SAMD4A: variants seen among roughly 807,000 people sequenced by gnomAD.
SAMD4A encodes the protein protein Smaug homolog 1.
In SAMD4A, 33 loss-of-function variants were observed where a neutral mutation model predicts 81.3. The ratio of observed to expected loss-of-function variants is 0.41; its 90% confidence interval spans 0.31 to 0.54. The LOEUF (loss-of-function observed/expected upper bound fraction) is 0.54. SAMD4A is among the 20% of genes least tolerant of loss of function. The pLI, the probability that SAMD4A is intolerant of heterozygous loss-of-function variation, is 0.37. For synonymous variants in SAMD4A, 389 were observed against 382.1 expected, an observed-to-expected ratio of 1.02 and a Z score of -0.21; for missense variants, 854 against 951.1, an observed-to-expected ratio of 0.90 and a Z score of 1.34.
chr14:54,590,646 C>T (rs2033749824), intron 2 of SAMD4A, among the ~76,000 whole-genome samples: 1 of 152,170 alleles, frequency 6.6e-6, no homozygotes, highest in Non-Finnish European at 1.5e-5. Flanking sequence ...GGTAGTCTCT[C>T]TGTCAGCTGT....
chr14:54,757,970 G>A (rs2038289523), intron 6 of SAMD4A, among the ~76,000 whole-genome samples: 1 of 152,242 alleles, frequency 6.6e-6, no homozygotes, highest in Non-Finnish European at 1.5e-5. Flanking sequence ...CCAATCACAT[G>A]ATGGTGTCTA....
chr14:54,577,509 TA>T (rs1346628311), intron 2 of SAMD4A, among the ~76,000 whole-genome samples: 3 of 152,232 alleles, frequency 2.0e-5, no homozygotes, highest in African/African-American at 7.2e-5. Flanking sequence ...GTGTAGCCCC[TA>T]CATTGGCATC....
At chr14:54,570,933 A>G (rs1440859423) in intron 2 of SAMD4A, among the ~76,000 whole-genome samples, 1 of 152,180 alleles carries the variant, frequency 6.6e-6, no homozygotes, top group Non-Finnish European at 1.5e-5. Flanking sequence ...TTTTGTAATC[A>G]TCAATTTAAA....
chr14:54,586,229 C>A (rs979423691), intron 2 of SAMD4A, among the ~76,000 whole-genome samples: 1 of 152,060 alleles, frequency 6.6e-6, no homozygotes, highest in Non-Finnish European at 1.5e-5. Context: ...ATTTGTATAT[C>A]TTCTTTTGAG....
intron 2 of SAMD4A, among the ~76,000 whole-genome samples, chr14:54,657,419 A>G (rs1432207095): frequency 6.6e-6 from 1 of 152,194 alleles, no homozygotes; most frequent in African/African-American, 2.4e-5. Context: ...CACTCCAGCT[A>G]GAATTAACGA....
intron 2 of SAMD4A, among the ~76,000 whole-genome samples, chr14:54,608,078 G>A (rs2034261982): frequency 6.6e-6 from 1 of 151,640 alleles, no homozygotes; most frequent in African/African-American, 2.4e-5. Context: ...AGGACCCTCA[G>A]CCACTAGTGT....
Position 54,656,437 on chromosome 14 carries a change from C to G in SAMD4A, c.197-45625C>G, listed in dbSNP as rs568859211. On this transcript the variant is annotated intron_variant, in intron 2 of 12. Coordinates refer to ENST00000554335, the MANE Select transcript of SAMD4A (RefSeq NM_015589.6). ...CTTTCTAGGTCACCACCTTTTTTGG[C>G]CTTTACCCCTTGAGTTTGAACTTTG... Among the ~76,000 whole-genome samples the G allele has an allele frequency of 8.5e-4, 130 of 152,176 alleles. 1 individual carries two copies. Among genetic ancestry groups the G allele is most frequent in the African/African-American group, 3.1e-3 (128 of 41,534 alleles).
At chr14:54,749,396 C>A (rs2038043849) in intron 5 of SAMD4A, among the ~76,000 whole-genome samples, 1 of 152,212 alleles carries the variant, frequency 6.6e-6, no homozygotes, top group Non-Finnish European at 1.5e-5. Flanking sequence ...CTGCTTCTAA[C>A]TGGACTGCTG....
intron 2 of SAMD4A, among the ~76,000 whole-genome samples, chr14:54,606,220 C>T (rs1231949952): frequency 7.6e-6 from 1 of 131,242 alleles, no homozygotes; most frequent in Admixed American, 7.5e-5. Context: ...TGTGCGTGCA[C>T]GTGCACGTGC....
rs1238477067 is a variant in SAMD4A, at chr14:54,567,286, G to A, written c.-474G>A. 1 of 152,250 alleles carries A rather than the reference G, an allele frequency of 6.6e-6. No homozygotes were observed. Among genetic ancestry groups the A allele is most frequent in the African/African-American group, 2.4e-5 (1 of 41,460 alleles). 9.4% of individuals were successfully genotyped at this position (152,250 alleles called of 1,614,324 possible). A position where few individuals can be genotyped will look rare whatever the true frequency, so the allele number is the denominator to read the frequency against. ...CCGCGGGGTCTCCTCCCGCACCTGGGAAGCAGGCTTCTCGCTGTTACCCGG... is the reference window on the plus strand; with the variant it reads ...CCGCGGGGTCTCCTCCCGCACCTGGAAAGCAGGCTTCTCGCTGTTACCCGG... On this transcript the variant is annotated 5_prime_UTR_variant, in exon 1 of 13. Transcript: ENST00000554335.
At chr14:54,785,303 C>T (rs776996399) in intron 12 of SAMD4A, among the ~76,000 whole-genome samples, 12 of 152,232 alleles carry the variant, frequency 7.9e-5, no homozygotes, top group Non-Finnish European at 1.5e-4. Context: ...TGTGCTCCCC[C>T]GTGTGTTTGG....
intron 2 of SAMD4A, among the ~76,000 whole-genome samples, chr14:54,648,195 G>A (rs1012424209): frequency 6.6e-6 from 1 of 152,248 alleles, no homozygotes; most frequent in South Asian, 2.1e-4. Flanking sequence ...AAGGATACTT[G>A]TTATAGCAAT....
chr14:54,721,863 C>T (rs1422920411), intron 3 of SAMD4A, among the ~76,000 whole-genome samples: 2 of 152,152 alleles, frequency 1.3e-5, no homozygotes, highest in African/African-American at 4.8e-5. Context: ...TAATAAATAA[C>T]TATCTCTAGG....
intron 7 of SAMD4A, 144 bp downstream of exon 7, chr14:54,760,638 A>T (rs2038373550): frequency 3.0e-6 from 4 of 1,311,870 alleles, no homozygotes; most frequent in Non-Finnish European, 3.9e-6. Context: ...GGGAAAGTGC[A>T]GTTCAGAGAG....
chr14:54,699,924 A>G (rs1159508336), intron 2 of SAMD4A, among the ~76,000 whole-genome samples: 1 of 151,624 alleles, frequency 6.6e-6, no homozygotes, highest in East Asian at 1.9e-4. Context: ...GACTTCTACA[A>G]GTAGTTGACT....
intron 3 of SAMD4A, among the ~76,000 whole-genome samples, chr14:54,717,487 G>A (rs1224534475): frequency 6.6e-6 from 1 of 151,260 alleles, no homozygotes; most frequent in Non-Finnish European, 1.5e-5. Context: ...CTATGATGTT[G>A]TTATTCATTC....
At chr14:54,760,845 C>T (rs1387490540) in intron 7 of SAMD4A, among the ~76,000 whole-genome samples, 1 of 152,222 alleles carries the variant, frequency 6.6e-6, no homozygotes, top group Admixed American at 6.5e-5. Context: ...ACAAACCGTT[C>T]ACTCAGCATC....
intron 2 of SAMD4A, among the ~76,000 whole-genome samples, chr14:54,616,073 ACT>A (rs985670511): frequency 1.5e-4 from 23 of 152,354 alleles, no homozygotes; most frequent in African/African-American, 4.8e-4. Flanking sequence ...AAAATCACAC[ACT>A]ATTTCTAGAG....
intron 2 of SAMD4A, among the ~76,000 whole-genome samples, chr14:54,648,571 T>A (rs2035334325): frequency 6.6e-6 from 1 of 152,216 alleles, no homozygotes; most frequent in Non-Finnish European, 1.5e-5. Context: ...AGTATTTAAT[T>A]CATGTGCACA....
Sources: allele counts gnomAD v4.1 joint callset (sites outside exome capture counted in the v4.1 genomes callset), GRCh38; gene constraint gnomAD v4.1.1; transcripts MANE v1.5; gene names NCBI Gene and HGNC (gene_info 2026-07-23, HGNC 2026-07-21).